Variants in PTPRM observed in about 807,000 individuals in gnomAD.
PTPRM encodes the protein receptor-type tyrosine-protein phosphatase mu.
PTPRM carries 47 observed loss-of-function variants against 186.7 expected under a neutral mutation model. The ratio of observed to expected loss-of-function variants is 0.25; its 90% CI spans 0.20 to 0.32. PTPRM has a LOEUF of 0.32. Ranked by LOEUF, PTPRM falls within the 10% of genes least tolerant of loss-of-function variation. The pLI, the probability that PTPRM is intolerant of heterozygous loss-of-function variation, is 1.00. For missense variants in PTPRM, 1,494 were observed against 1,865.0 expected, an observed-to-expected ratio of 0.80 and a Z score of 3.66; for synonymous variants, 668 against 674.9, an observed-to-expected ratio of 0.99 and a Z score of 0.16.
At position 7,938,085 on chromosome 18, in the gene PTPRM, A is replaced by G. The variant is rs57095339; in HGVS notation, c.664-11096A>G. Among the ~76,000 whole-genome samples, 744 of 152,294 alleles carry G rather than the reference A, an allele frequency of 4.9e-3. 6 individuals are homozygous for G. Among genetic ancestry groups the G allele is most frequent in the African/African-American group, 0.017 (710 of 41,562 alleles). ...ATTAGAACTTACAATCTGAACATAG[A>G]GATGCTCATTACTACTTTATTTATT... On this transcript the variant is annotated intron_variant, in intron 5 of 32. Transcript: ENST00000580170.
At chr18:8,096,365 A>G (rs990409359) in intron 11 of PTPRM, among the ~76,000 whole-genome samples, 2 of 152,204 alleles carry the variant, frequency 1.3e-5, no homozygotes, top group African/African-American at 4.8e-5. Context: ...TGTCCTTCAC[A>G]GTGGAGGCCA....
chr18:7,747,014 G>A (rs1296397480), intron 1 of PTPRM, among the ~76,000 whole-genome samples: 1 of 152,144 alleles, frequency 6.6e-6, no homozygotes, highest in Middle Eastern at 3.2e-3. Context: ...CTCAGTGAAA[G>A]CTTTTTCCTC....
chr18:8,148,953 G>T (rs187953099), intron 14 of PTPRM, among the ~76,000 whole-genome samples: 1 of 152,184 alleles, frequency 6.6e-6, no homozygotes, highest in African/African-American at 2.4e-5. Flanking sequence ...CCCTGTAGTT[G>T]TGCTGATTTG....
chr18:7,693,290 T>C (rs996207019), intron 1 of PTPRM, among the ~76,000 whole-genome samples: 2 of 152,184 alleles, frequency 1.3e-5, no homozygotes, highest in African/African-American at 4.8e-5. Flanking sequence ...TTACCATCCT[T>C]ATGAAGGTAA....
chr18:8,200,674 A>T (rs1004099041), intron 14 of PTPRM, among the ~76,000 whole-genome samples: 2 of 152,248 alleles, frequency 1.3e-5, no homozygotes, highest in Admixed American at 1.3e-4. Flanking sequence ...CTTTTATTTT[A>T]ACTTAAACTT....
intron 22 of PTPRM, among the ~76,000 whole-genome samples, chr18:8,342,662 A>G (rs2095481523): frequency 1.3e-5 from 2 of 152,228 alleles, no homozygotes; most frequent in South Asian, 4.1e-4. Context: ...ACCCTCAAGT[A>G]TGCATGGACA....
chr18:8,343,645 C>T, intron 23 of PTPRM, 125 bp downstream of exon 23: 1 of 688,492 alleles, frequency 1.5e-6, no homozygotes, highest in Non-Finnish European at 2.4e-6. Flanking sequence ...ACTCCAGCTC[C>T]TCCTATTGCT....
At chr18:7,833,986 C>T (rs986955108) in intron 2 of PTPRM, among the ~76,000 whole-genome samples, 1 of 152,076 alleles carries the variant, frequency 6.6e-6, no homozygotes, top group African/African-American at 2.4e-5. Context: ...GCTAGGACTT[C>T]CAGTACTATC....
intron 1 of PTPRM, among the ~76,000 whole-genome samples, chr18:7,716,909 G>C (rs921330486): frequency 1.3e-5 from 2 of 152,212 alleles, no homozygotes; most frequent in Non-Finnish European, 1.5e-5. Context: ...CATTGTGGAA[G>C]ACAGTGTGGC....
chr18:7,929,057 T>C (rs1253670994), intron 5 of PTPRM, among the ~76,000 whole-genome samples: 1 of 152,172 alleles, frequency 6.6e-6, no homozygotes, highest in Non-Finnish European at 1.5e-5. Flanking sequence ...ACAAATGTCT[T>C]GTCTATTTCC....
chr18:8,132,623 C>T (rs1432501485), intron 13 of PTPRM, among the ~76,000 whole-genome samples: 1 of 152,148 alleles, frequency 6.6e-6, no homozygotes, highest in East Asian at 1.9e-4. Context: ...TTAAAGACTT[C>T]TAAAACAAAC....
intron 1 of PTPRM, among the ~76,000 whole-genome samples, chr18:7,657,538 A>T (rs1350524496): frequency 6.6e-6 from 1 of 152,158 alleles, no homozygotes; most frequent in Non-Finnish European, 1.5e-5. Context: ...TTCTATACAC[A>T]GCCGTAATGC....
intron 14 of PTPRM, among the ~76,000 whole-genome samples, chr18:8,195,826 G>T: frequency 6.6e-6 from 1 of 152,054 alleles, no homozygotes; most frequent in East Asian, 1.9e-4. Context: ...TGAAAGCCCA[G>T]ACTCCACCGC....
intron 7 of PTPRM, among the ~76,000 whole-genome samples, chr18:8,021,168 G>C (rs2085195329): frequency 1.3e-5 from 2 of 152,098 alleles, no homozygotes; most frequent in African/African-American, 4.8e-5. Flanking sequence ...AAAATACTCT[G>C]TGTACTTGGC....
intron 32 of PTPRM, among the ~76,000 whole-genome samples, chr18:8,395,397 G>C (rs916280913): frequency 3.9e-5 from 6 of 152,162 alleles, no homozygotes; most frequent in Non-Finnish European, 8.8e-5. Context: ...TTAAAATAAA[G>C]GGACTTAAGA....
chr18:7,670,945 T>G (rs1414254144), intron 1 of PTPRM, among the ~76,000 whole-genome samples: 2 of 152,226 alleles, frequency 1.3e-5, no homozygotes, highest in Admixed American at 6.5e-5. Flanking sequence ...TGAAGGTAAC[T>G]CTTAAAATTA....
intron 2 of PTPRM, among the ~76,000 whole-genome samples, chr18:7,828,224 C>A (rs1429570219): frequency 2.0e-5 from 3 of 146,720 alleles, no homozygotes; most frequent in Non-Finnish European, 4.5e-5. Context: ...AGTTAGAATT[C>A]TTTTTTTTTT....
chr18:7,753,526 A>G (rs568883819), intron 1 of PTPRM, among the ~76,000 whole-genome samples: 1 of 152,158 alleles, frequency 6.6e-6, no homozygotes, highest in Non-Finnish European at 1.5e-5. Flanking sequence ...TGAGCACAGT[A>G]CATCCTATAT....
At chr18:8,135,705 C>T (rs1161172844) in intron 13 of PTPRM, among the ~76,000 whole-genome samples, 2 of 152,212 alleles carry the variant, frequency 1.3e-5, no homozygotes, top group African/African-American at 4.8e-5. Flanking sequence ...GAGTACATGA[C>T]TTCCACTCTC....
Sources: gnomAD v4.1 joint callset for allele counts (sites outside exome capture counted in the v4.1 genomes callset) on GRCh38, gnomAD v4.1.1 for gene constraint, MANE v1.5 for transcripts, NCBI Gene and HGNC (gene_info 2026-07-23, HGNC 2026-07-21) for gene names.